The following EXOC3L2 variants were observed in gnomAD, a reference collection of about 807,000 sequenced individuals.
The protein encoded by EXOC3L2 is exocyst complex component 3-like protein 2.
In EXOC3L2, 17 loss-of-function variants were observed where a neutral mutation model predicts 44.4. The observed-to-expected ratio is 0.38, with a 90% CI of 0.26 to 0.57. The LOEUF is 0.57. EXOC3L2 is among the 20% of genes least tolerant of loss of function. The pLI is 0.65. For missense variants in EXOC3L2, 541 were observed against 588.4 expected, an observed-to-expected ratio of 0.92 and a Z score of 0.83; for synonymous variants, 256 against 253.7, an observed-to-expected ratio of 1.01 and a Z score of -0.09.
At chr19:45,225,021 G>C in intron 7 of EXOC3L2, 108 bp from the exon 8 acceptor site, 3 of 1,300,140 alleles carry the variant, frequency 2.3e-6, no homozygotes, top group African/African-American at 1.5e-5. Flanking sequence ...TGACAGGTCA[G>C]ATGGGGGGCT....
At chr19:45,214,517 T>C (rs1164074588) in intron 11 of EXOC3L2, among the ~76,000 whole-genome samples, 1 of 152,164 alleles carries the variant, frequency 6.6e-6, no homozygotes, top group East Asian at 1.9e-4. Context: ...CAGGCTGGAG[T>C]GCAGTGGCGC....
At chr19:45,227,450 C>T (rs570401460) in intron 7 of EXOC3L2, among the ~76,000 whole-genome samples, 5 of 152,038 alleles carry the variant, frequency 3.3e-5, no homozygotes, top group Non-Finnish European at 7.4e-5. Context: ...GTCTTGAGTC[C>T]GGCGTCTAGG....
Position 45,234,432 on chromosome 19 carries a change from G to T in EXOC3L2, c.918C>A (p.Pro306=). The change falls in exon 3 of 12, where the codon CCC becomes CCA. Residue 306 remains proline (P), a synonymous_variant. Transcript: ENST00000413988. This position sits in a 1 kb window ranked among gnomAD's most constrained non-coding sequence, Gnocchi z 5.0. ...GCCCGGCCAGGCCCCCGGGCGCCCC[G>T]GGAGCCGCTGCCTCTAGGCGCTCCC... ...AARERLEAAA[P]GAPGGLAGQL... The T allele has an allele frequency of 3.6e-6, 1 of 280,760 alleles. No homozygotes were observed. 17.4% of individuals were successfully genotyped at this position (280,760 alleles called of 1,614,324 possible).
At chr19:45,223,775 T>C (rs1434783862) in intron 8 of EXOC3L2, among the ~76,000 whole-genome samples, 2 of 150,628 alleles carry the variant, frequency 1.3e-5, no homozygotes, top group African/African-American at 4.9e-5. Flanking sequence ...GCAGATCACA[T>C]GAGGCCAGGA....
At chr19:45,243,871 G>T (rs551113211) in intron 1 of EXOC3L2, among the ~76,000 whole-genome samples, 2 of 151,680 alleles carry the variant, frequency 1.3e-5, no homozygotes, top group South Asian at 4.2e-4. Context: ...CTTGTGATCC[G>T]CCTGTTTCAG....
At chr19:45,242,638 G>A (rs1042831571) in intron 1 of EXOC3L2, among the ~76,000 whole-genome samples, 7 of 152,058 alleles carry the variant, frequency 4.6e-5, no homozygotes, top group Admixed American at 2.0e-4. Flanking sequence ...GAGGAGGGAG[G>A]ATCACCTGAG....
intron 1 of EXOC3L2, among the ~76,000 whole-genome samples, chr19:45,244,629 C>T (rs904888409): frequency 9.9e-5 from 15 of 152,072 alleles, no homozygotes; most frequent in Admixed American, 9.8e-4. Context: ...TCTTGGCCAC[C>T]AGAGCTTCCC....
rs11083767 is a variant in EXOC3L2 at position 45,212,422 on chromosome 19, T to C, written c.*647A>G. On this transcript the variant is annotated 3_prime_UTR_variant, in exon 12 of 12. Transcript: ENST00000413988. ...TAAGTATCGAACGTTCCTTAATACATTGGATTGGGGCCAGACCTTGAGGTG... is the reference window on the plus strand; with the variant it reads ...TAAGTATCGAACGTTCCTTAATACACTGGATTGGGGCCAGACCTTGAGGTG... Among the ~76,000 whole-genome samples the C allele has an allele frequency of 0.26, 38,910 of 151,916 alleles. 6,396 individuals are homozygous for C. Among genetic ancestry groups the C allele is most frequent in the Middle Eastern group, 0.48 (139 of 292 alleles).
rs1969990569 is a variant in EXOC3L2, at chr19:45,228,350, C to A, written c.1270-84G>T. On this transcript the variant is annotated intron_variant, in intron 4 of 11. Transcript: ENST00000413988. Reference sequence around the variant, plus strand: ...TTATCTCTTTCTCCCACCACAATCCCCTAGCCCTTAACCCCAAGCAGTTCT... The same window carrying A: ...TTATCTCTTTCTCCCACCACAATCCACTAGCCCTTAACCCCAAGCAGTTCT... 10 of 1,202,636 alleles carry A rather than the reference C, an allele frequency of 8.3e-6. No homozygotes were observed. The South Asian group carries it at 1.1e-4, about 13-fold the overall frequency. 74.5% of individuals were successfully genotyped at this position (1,202,636 alleles called of 1,614,324 possible).
intron 8 of EXOC3L2, among the ~76,000 whole-genome samples, chr19:45,222,775 T>C (rs2122965355): frequency 6.6e-6 from 1 of 152,286 alleles, no homozygotes; most frequent in Non-Finnish European, 1.5e-5. Context: ...CATAGTGGTT[T>C]ATAGACTAAG....
Position 45,234,737 on chromosome 19 carries a change from A to T in EXOC3L2, c.613T>A (p.Ser205Thr), listed in dbSNP as rs1197289096. The stretch of plus-strand genomic sequence containing the variant: ...GGAGGCCCAGGCGCGCCGCCCCTCG[A>T]CGGCGCCAGCTCCTCGGCCTCTAGC... ...LELEAEELAPSRGGAPGPPKA... is the reference protein window; with the variant it reads ...LELEAEELAPTRGGAPGPPKA... Residue 205 changes from serine to threonine, a missense_variant, in exon 3 of 12, where the codon TCG (serine) becomes ACG (threonine). Coordinates refer to ENST00000413988, the MANE Select transcript of EXOC3L2 (RefSeq NM_001382422.1). This position sits in a 1 kb window ranked among gnomAD's most constrained non-coding sequence, Gnocchi z 5.0. 2 of 394,282 alleles carry T rather than the reference A, an allele frequency of 5.1e-6. No individual in the cohort carries two copies. The highest frequency in any genetic ancestry group is 4.4e-5 in the Admixed American group (1 of 22,546). 24.4% of individuals were successfully genotyped at this position (394,282 alleles called of 1,614,324 possible). A position where few individuals can be genotyped will look rare whatever the true frequency, so the allele number is the denominator to read the frequency against.
At chr19:45,221,751 G>A (rs868459201) in intron 8 of EXOC3L2, among the ~76,000 whole-genome samples, 5 of 149,454 alleles carry the variant, frequency 3.3e-5, no homozygotes, top group African/African-American at 7.4e-5. Context: ...GGGATCAAGC[G>A]ATCCTCCCAC....
intron 4 of EXOC3L2, 85 bp downstream of exon 4, chr19:45,231,678 G>T: frequency 8.6e-7 from 1 of 1,159,616 alleles, no homozygotes; most frequent in Non-Finnish European, 1.3e-6. Flanking sequence ...AAGAGTGAAA[G>T]GTGGAGGGGA....
Position 45,237,540 on chromosome 19 carries a change from G to C in EXOC3L2, c.523+983C>G, listed in dbSNP as rs901830336. ...AGATGGCATTTGGAGGAAAGGATGAGCTGTACGAGAAGCATACGGATGTGT... is the reference window on the plus strand; with the variant it reads ...AGATGGCATTTGGAGGAAAGGATGACCTGTACGAGAAGCATACGGATGTGT... On this transcript the variant is annotated intron_variant, in intron 2 of 11. Transcript: ENST00000413988. Among the ~76,000 whole-genome samples the C allele has an allele frequency of 6.6e-5, 10 of 152,114 alleles. 1 individual carries two copies. The highest frequency in any genetic ancestry group is 6.6e-4 in the Admixed American group (10 of 15,254).
intron 7 of EXOC3L2, 21 bp from the exon 8 acceptor site, chr19:45,224,934 A>G (rs960292322): frequency 4.4e-5 from 66 of 1,496,092 alleles, no homozygotes; most frequent in Non-Finnish European, 5.8e-5. Flanking sequence ...CAACAGAGCC[A>G]AAACTGAGGG....
chr19:45,231,634 A>G, intron 4 of EXOC3L2, 129 bp downstream of exon 4: 1 of 747,148 alleles, frequency 1.3e-6, no homozygotes, highest in Non-Finnish European at 2.2e-6. Flanking sequence ...CATGGATAGA[A>G]CTCAGAAGTT....
chr19:45,238,789 C>T lies in EXOC3L2; in HGVS notation c.257G>A (p.Arg86His), dbSNP rs992884937. 7.5e-6 allele frequency: 3 copies of T among 398,806 alleles called. No homozygotes were observed. The highest frequency in any genetic ancestry group is 1.3e-5 in the Non-Finnish European group (3 of 225,960). The allele number at this position is 398,806 out of a possible 1,614,324, so 24.7% of individuals were successfully genotyped here. ...TACCAGCACACGGCCCAAGAAAGAG[C>T]GGGGCTGCCCATCCCCAGGGCTGCC... Reference protein sequence around the residue: ...RAGSPGDGQPRSFLGRVLVPG... With the variant: ...RAGSPGDGQPHSFLGRVLVPG... The change falls in exon 2 of 12, where the codon CGC becomes CAC. Residue 86 changes from arginine (R) to histidine (H), a missense_variant. Physicochemically the swap from Arg to His is conservative, Grantham distance 29. Transcript: ENST00000413988. This position sits in a 1 kb window ranked among gnomAD's most constrained non-coding sequence, Gnocchi z 5.5.
Position 45,236,858 on chromosome 19 carries a change from A to G in EXOC3L2, c.523+1665T>C, listed in dbSNP as rs541742363. Among the ~76,000 whole-genome samples, 8 of 152,030 alleles carry G rather than the reference A, an allele frequency of 5.3e-5. No homozygotes were observed. The South Asian group carries it at 1.7e-3, about 32-fold the overall frequency. On this transcript the variant is annotated intron_variant, in intron 2 of 11. Transcript: ENST00000413988. ...CAAAAAATACAAAAAAAATTTAGCC[A>G]GGCATGGATGGTGATGCATGCCTGT...
At chr19:45,223,208 T>C (rs1969916880) in intron 8 of EXOC3L2, among the ~76,000 whole-genome samples, 1 of 152,000 alleles carries the variant, frequency 6.6e-6, no homozygotes, top group African/African-American at 2.4e-5. Context: ...GCCGACATGG[T>C]GAAACCCCGT....
Sources: gnomAD v4.1 joint callset for allele counts (sites outside exome capture counted in the v4.1 genomes callset) on GRCh38, gnomAD v4.1.1 for gene constraint, Gnocchi (gnomAD v3.1) non-coding constraint, MANE v1.5 for transcripts, NCBI Gene and HGNC (gene_info 2026-07-23, HGNC 2026-07-21) for gene names.